TRPV3: variants seen among roughly 807,000 people sequenced by gnomAD.
TRPV3 encodes transient receptor potential cation channel subfamily V member 3, also known as VRL-3.
Under a neutral mutation model 87.1 loss-of-function variants are expected in TRPV3, and 88 were observed. The ratio of observed to expected loss-of-function variants is 1.01; its 90% CI spans 0.85 to 1.21. The LOEUF (loss-of-function observed/expected upper bound fraction) is 1.21. TRPV3 is among the 50% of genes most tolerant of loss of function. The pLI is 0.00. For synonymous variants in TRPV3, 438 were observed against 423.3 expected, an observed-to-expected ratio of 1.03 and a Z score of -0.43; for missense variants, 1,054 against 1,030.1, an observed-to-expected ratio of 1.02 and a Z score of -0.32.
intron 13 of TRPV3, among the ~76,000 whole-genome samples, chr17:3,521,946 C>A (rs2074249985): frequency 6.6e-6 from 1 of 151,922 alleles, no homozygotes; most frequent in Non-Finnish European, 1.5e-5. Flanking sequence ...TGTGGTGGCA[C>A]ACACCTGTGA....
intron 2 of TRPV3, chr17:3,546,516 G>A (rs62069872): frequency 0.31 from 112,231 of 360,814 alleles, 18,699 homozygotes; most frequent in Non-Finnish European, 0.36. Context: ...CAGTGGGGTC[G>A]GGTGAGGGAG....
Position 3,535,557 on chromosome 17 carries a change from C to T in TRPV3, c.784+16G>A, listed in dbSNP as rs990293127. The T allele has an allele frequency of 2.5e-6, 4 of 1,570,570 alleles. No individual in the cohort carries two copies. The African/African-American group carries it at 4.1e-5, about 16-fold the overall frequency. Reference sequence around the variant, plus strand: ...CCCTCCTCCCAGACTCCGCACCGGGCGGGGGCGGCACCCACCGAAGTAGAA... The same window carrying T: ...CCCTCCTCCCAGACTCCGCACCGGGTGGGGGCGGCACCCACCGAAGTAGAA... On this transcript the variant is annotated intron_variant, in intron 7 of 17. Transcript: ENST00000576742.
rs985090034 is a variant in TRPV3 at position 3,513,099 on chromosome 17, T to G, written c.*818A>C. The G allele has an allele frequency of 6.6e-6, 1 of 152,592 alleles. No homozygotes were observed. The highest frequency in any genetic ancestry group is 1.5e-5 in the Non-Finnish European group (1 of 68,038). 9.5% of individuals were successfully genotyped at this position (152,592 alleles called of 1,614,324 possible). A position where few individuals can be genotyped will look rare whatever the true frequency, so the allele number is the denominator to read the frequency against. On this transcript the variant is annotated 3_prime_UTR_variant, in exon 18 of 18. Transcript: ENST00000576742. ...TTTGTGTGTGTGAAGAAAAGCTTTT[T>G]GTCTTGCTCTGGGCACCCTGAGGCC...
chr17:3,554,660 T>TA, intron 2 of TRPV3, 72 bp downstream of exon 2: 1 of 1,051,226 alleles, frequency 9.5e-7, no homozygotes. Flanking sequence ...AAGGGCTCCC[T>TA]GGGGGGGTGC....
chr17:3,542,192 G>A (rs1316824616), intron 6 of TRPV3, among the ~76,000 whole-genome samples: 1 of 152,180 alleles, frequency 6.6e-6, no homozygotes. Context: ...CCGGACCTCA[G>A]GTGATCCACC....
intron 12 of TRPV3, among the ~76,000 whole-genome samples, chr17:3,525,476 G>T (rs2150786110): frequency 6.6e-6 from 1 of 152,106 alleles, no homozygotes; most frequent in African/African-American, 2.4e-5. Context: ...TTGTTTAAGG[G>T]GTATGGAGTT....
At chr17:3,522,554 C>G (rs899523437) in intron 13 of TRPV3, among the ~76,000 whole-genome samples, 1 of 148,580 alleles carries the variant, frequency 6.7e-6, no homozygotes, top group African/African-American at 2.5e-5. Flanking sequence ...TTTGTTGATT[C>G]CCCCCCCCAC....
intron 9 of TRPV3, 67 bp from the exon 10 acceptor site, chr17:3,529,062 C>T (rs1046776593): frequency 2.5e-6 from 4 of 1,572,826 alleles, no homozygotes; most frequent in East Asian, 2.2e-5. Flanking sequence ...TTTCTAAAGG[C>T]CTGCGGGAGC....
At chr17:3,544,553 G>A (rs2074503989) in intron 4 of TRPV3, 26 bp downstream of exon 4, 10 of 1,488,930 alleles carry the variant, frequency 6.7e-6, no homozygotes, top group Non-Finnish European at 8.3e-6. Flanking sequence ...TGGGCACAGT[G>A]GGTGGAGGGG....
rs1294177270 is a variant in TRPV3 at position 3,530,497 on chromosome 17, C to T, written c.1066-294G>A. Among the ~76,000 whole-genome samples, 2 of 151,996 alleles carry T rather than the reference C, an allele frequency of 1.3e-5. No individual in the cohort carries two copies. The highest frequency in any genetic ancestry group is 3.9e-4 in the East Asian group (2 of 5,184). ...ATCAGCTTGAAATGCCTCACGCCAG[C>T]TGGGGACCCGGTTCGGTGAAAAATC... On this transcript the variant is annotated intron_variant, in intron 8 of 17. Coordinates refer to ENST00000576742, the MANE Select transcript of TRPV3 (RefSeq NM_145068.4). This position sits in a 1 kb window ranked among gnomAD's most constrained non-coding sequence, Gnocchi z 4.0.
chr17:3,518,523 G>C lies in TRPV3; in HGVS notation c.2085+53C>G. On this transcript the variant is annotated intron_variant, in intron 15 of 17. Coordinates refer to ENST00000576742, the MANE Select transcript of TRPV3 (RefSeq NM_145068.4). This position sits in a 1 kb window ranked among gnomAD's most constrained non-coding sequence, Gnocchi z 4.3. ...TGCTGACAGTAGTCAATGACCACGT[G>C]CTGAACTGAGTCCCGTGGAGGCCCC... 1 of 1,513,562 alleles carries C rather than the reference G, an allele frequency of 6.6e-7. No homozygotes were observed. The highest frequency in any genetic ancestry group is 1.4e-5 in the African/African-American group (1 of 72,368). The allele number at this position is 1,513,562 out of a possible 1,614,324, so 93.8% of individuals were successfully genotyped here.
rs895428754 is a variant in TRPV3 at position 3,532,749 on chromosome 17, G to A, written c.973C>T (p.Leu325=). ...DFVKRMYDMI[L]LRSGNWELET... ...AGCTCCCAGTTGCCACTCCGCAGTAGGATCATGTCGTACATGCGCTTCACA... is the reference window on the plus strand; with the variant it reads ...AGCTCCCAGTTGCCACTCCGCAGTAAGATCATGTCGTACATGCGCTTCACA... The change falls in exon 8 of 18, where the codon CTA becomes TTA. Residue 325 remains leucine (L), a synonymous_variant. Transcript: ENST00000576742. 4 of 1,614,154 alleles carry A rather than the reference G, an allele frequency of 2.5e-6. No homozygotes were observed. The African/African-American group carries it at 5.3e-5, about 22-fold the overall frequency.
intron 16 of TRPV3, among the ~76,000 whole-genome samples, chr17:3,515,987 G>A (rs1037463313): frequency 1.3e-5 from 2 of 152,098 alleles, no homozygotes; most frequent in Non-Finnish European, 2.9e-5. Flanking sequence ...AGGAGTTTGA[G>A]ACCAGCTTGA....
rs1275840538 is a variant in TRPV3 at position 3,528,951 on chromosome 17, C to A, written c.1287G>T (p.Leu429=). ...MLTLEPLHTL[L]HMKWKKFAKH... ...TGGCAAACTTCTTCCACTTCATATG[C>A]AGCAGCGTGTGCAGCGGCTCCAGGG... The change falls in exon 10 of 18, where the codon CTG becomes CTT. Residue 429 remains leucine, a synonymous_variant. Transcript: ENST00000576742. This position sits in a 1 kb window ranked among gnomAD's most constrained non-coding sequence, Gnocchi z 4.2. 1.2e-6 allele frequency: 2 copies of A among 1,614,200 alleles called. No homozygotes were observed. Among genetic ancestry groups the A allele is most frequent in the East Asian group, 2.2e-5 (1 of 44,882 alleles).
chr17:3,550,156 T>C (rs1016138835), intron 2 of TRPV3, among the ~76,000 whole-genome samples: 2 of 152,154 alleles, frequency 1.3e-5, no homozygotes, highest in Admixed American at 6.6e-5. Flanking sequence ...AACCAAAATG[T>C]TGGGAGGTTG....
rs189054002 is a variant in TRPV3, at chr17:3,556,998, C to G, written c.-3+678G>C. On this transcript the variant is annotated intron_variant, in intron 1 of 17. Coordinates refer to ENST00000576742, the MANE Select transcript of TRPV3 (RefSeq NM_145068.4). The surrounding 1 kb of genome is among the most constrained non-coding windows in gnomAD (Gnocchi z 4.2). ...TCTGTGGCCCTGAGAGCTGGTTGCTCTCTCTCTTCTCTGGGCCCGAGAATG... is the reference window on the plus strand; with the variant it reads ...TCTGTGGCCCTGAGAGCTGGTTGCTGTCTCTCTTCTCTGGGCCCGAGAATG... Among the ~76,000 whole-genome samples the G allele has an allele frequency of 6.6e-6, 1 of 152,238 alleles. No individual in the cohort carries two copies. Among genetic ancestry groups the G allele is most frequent in the Admixed American group, 6.5e-5 (1 of 15,298 alleles).
chr17:3,524,445 T>C, intron 12 of TRPV3, 82 bp from the exon 13 acceptor site: 1 of 1,549,396 alleles, frequency 6.5e-7, no homozygotes, highest in South Asian at 1.2e-5. Flanking sequence ...CAAACCTCCC[T>C]TAAACCCCCT....
intron 15 of TRPV3, among the ~76,000 whole-genome samples, chr17:3,517,646 G>A (rs1163760575): frequency 6.7e-6 from 1 of 149,588 alleles, no homozygotes; most frequent in African/African-American, 2.5e-5. Context: ...AAAAAAGGAG[G>A]GCCTTAATAA....
At chr17:3,516,423 G>T in intron 16 of TRPV3, 34 bp downstream of exon 16, 5 of 1,562,328 alleles carry the variant, frequency 3.2e-6, no homozygotes, top group South Asian at 1.1e-5. Context: ...CCACCCCAAA[G>T]ACCACCACCC....
Sources: allele counts gnomAD v4.1 joint callset (sites outside exome capture counted in the v4.1 genomes callset), GRCh38; gene constraint gnomAD v4.1.1; non-coding constraint Gnocchi (gnomAD v3.1); transcripts MANE v1.5; gene names NCBI Gene and HGNC (gene_info 2026-07-23, HGNC 2026-07-21).